The following FGF14 variants were observed in gnomAD, a reference collection of about 807,000 sequenced individuals.
The protein encoded by FGF14 is fibroblast growth factor 14.
A neutral mutation model predicts 25.5 loss-of-function variants in FGF14; 5 were observed. The observed-to-expected ratio is 0.20, with a 90% CI of 0.10 to 0.41. The LOEUF is 0.41. Among genes scored for constraint, FGF14 ranks in the 10% least tolerant of loss-of-function variants. FGF14 has a pLI of 1.00. For missense variants in FGF14, 222 were observed against 320.1 expected, an observed-to-expected ratio of 0.69 and a Z score of 2.34; for synonymous variants, 138 against 118.3, an observed-to-expected ratio of 1.17 and a Z score of -1.08.
chr13:101,917,390 A>C (rs192864660), upstream of FGF14, among the ~76,000 whole-genome samples: 1,056 of 152,108 alleles, frequency 6.9e-3, 12 homozygotes, highest in African/African-American at 0.023. Flanking sequence ...AATAAGAAAG[A>C]AAGCTAAGAT....
At chr13:102,168,236 A>G (rs1376515720) in intron 1 of FGF14, among the ~76,000 whole-genome samples, 2 of 152,246 alleles carry the variant, frequency 1.3e-5, no homozygotes, top group East Asian at 1.9e-4. Context: ...ATGAAGAAAA[A>G]GGTGCGTATG....
intron 1 of FGF14, among the ~76,000 whole-genome samples, chr13:102,265,975 A>C (rs915760204): frequency 1.3e-5 from 2 of 152,116 alleles, no homozygotes; most frequent in African/African-American, 4.8e-5. Flanking sequence ...GAATTAGATA[A>C]AATTACAATT....
In FGF14 at chr13:101,806,413, C is replaced by T. The variant is rs562497965; in HGVS notation, c.408+62312G>A. On this transcript the variant is annotated intron_variant, in intron 3 of 4. Transcript: ENST00000376143. ...CAGCCTGGGTGACAGAGCAAGACTC[C>T]GTCTAAGAAGAAAAAAAAAAAAAAA... Among the ~76,000 whole-genome samples, 78 of 144,694 alleles carry T rather than the reference C, an allele frequency of 5.4e-4. 1 individual carries two copies. The South Asian group carries it at 0.016, about 29-fold the overall frequency. 94.9% of individuals were successfully genotyped at this position (144,694 alleles called of 152,430 possible).
chr13:102,206,267 A>C (rs1488225909), intron 1 of FGF14, among the ~76,000 whole-genome samples: 4 of 152,106 alleles, frequency 2.6e-5, no homozygotes, highest in African/African-American at 9.7e-5. Flanking sequence ...TGAAGCTCCC[A>C]CATCCTCTCC....
At chr13:101,997,202 T>C (rs2039232967) in intron 1 of FGF14, among the ~76,000 whole-genome samples, 2 of 151,278 alleles carry the variant, frequency 1.3e-5, no homozygotes, top group South Asian at 2.1e-4. Flanking sequence ...AAATGTTCCA[T>C]GACAGCAGGG....
At chr13:102,278,851 G>A (rs2053681235) in intron 1 of FGF14, among the ~76,000 whole-genome samples, 1 of 152,128 alleles carries the variant, frequency 6.6e-6, no homozygotes, top group Non-Finnish European at 1.5e-5. Flanking sequence ...CAATGATGAA[G>A]TATAAACACA....
At chr13:101,777,713 A>G (rs1036128857) in intron 3 of FGF14, among the ~76,000 whole-genome samples, 2 of 152,188 alleles carry the variant, frequency 1.3e-5, no homozygotes, top group East Asian at 3.8e-4. Context: ...AACTTCCTTT[A>G]AACCCCAAAA....
Position 101,719,377 on chromosome 13 carries a change from G to T in FGF14, c.*3454C>A. The stretch of plus-strand genomic sequence containing the variant: ...GCGGGAGTCCTTTGGACCCATCGTG[G>T]ATCTCTTTAAGCCACTGCTACCCAA... On this transcript the variant is annotated 3_prime_UTR_variant, in exon 5 of 5. Transcript: ENST00000376143. The T allele has an allele frequency of 6.6e-6, 1 of 151,958 alleles. No homozygotes were observed. 9.4% of individuals were successfully genotyped at this position (151,958 alleles called of 1,614,324 possible). A position where few individuals can be genotyped will look rare whatever the true frequency, so the allele number is the denominator to read the frequency against.
At chr13:102,325,814 A>T (rs187049805) in intron 1 of FGF14, among the ~76,000 whole-genome samples, 6,279 of 152,206 alleles carry the variant, frequency 0.041, 450 homozygotes, top group African/African-American at 0.14. Flanking sequence ...AAGGCACAGA[A>T]TTTTGCCTTC....
At chr13:102,121,568 T>A (rs990104507) in intron 1 of FGF14, among the ~76,000 whole-genome samples, 1 of 152,238 alleles carries the variant, frequency 6.6e-6, no homozygotes, top group African/African-American at 2.4e-5. Flanking sequence ...TTTGTAATCA[T>A]ATTTTGTTGC....
At chr13:102,325,580 A>AAT (rs1270075449) in intron 1 of FGF14, among the ~76,000 whole-genome samples, 7 of 152,090 alleles carry the variant, frequency 4.6e-5, no homozygotes, top group Non-Finnish European at 5.9e-5. Context: ...TATCATGGGT[A>AAT]AGGCCCTTCC....
chr13:102,159,158 G>C (rs2772369), intron 1 of FGF14, among the ~76,000 whole-genome samples: 2 of 129,980 alleles, frequency 1.5e-5, no homozygotes, highest in Non-Finnish European at 3.1e-5. Flanking sequence ...AAAAAAAAAA[G>C]AAAAGAAAAG....
chr13:102,037,357 G>T (rs186909658), intron 1 of FGF14, among the ~76,000 whole-genome samples: 1 of 152,040 alleles, frequency 6.6e-6, no homozygotes, highest in Admixed American at 6.5e-5. Context: ...ACCTTTTCTG[G>T]TTTGTAGAGG....
rs2044217721 is a variant in FGF14 at position 102,092,661 on chromosome 13, TGAAA to T, written c.209-217369_209-217366del. On this transcript the variant is annotated intron_variant, in intron 1 of 4. Coordinates refer to the FGF14 transcript ENST00000376131. ...CAATCAATATATGTTAATTTTAACA[TGAAA>T]GAAATAAAACTAGTACAGGTAATAA... 3.3e-5 allele frequency among the ~76,000 whole-genome samples: 5 copies of T among 152,276 alleles called. 1 individual carries two copies. In the South Asian group the frequency reaches 1.0e-3, roughly 32 times the overall value.
chr13:101,984,789 A>G (rs2038470682), intron 1 of FGF14, among the ~76,000 whole-genome samples: 1 of 152,160 alleles, frequency 6.6e-6, no homozygotes, highest in Non-Finnish European at 1.5e-5. Context: ...TGTTCATAAA[A>G]TTTTAAGAAA....
intron 1 of FGF14, among the ~76,000 whole-genome samples, chr13:102,296,361 C>T (rs1334391113): frequency 6.6e-6 from 1 of 152,080 alleles, no homozygotes; most frequent in African/African-American, 2.4e-5. Flanking sequence ...TCGTGGTTTG[C>T]AGCTTGGTGC....
chr13:101,800,004 C>T (rs914242129), intron 3 of FGF14, among the ~76,000 whole-genome samples: 6 of 151,998 alleles, frequency 3.9e-5, no homozygotes, highest in African/African-American at 7.3e-5. Flanking sequence ...GAAGGAATGT[C>T]GATTTTTAAG....
chr13:102,029,712 T>C (rs1434050964), intron 1 of FGF14, among the ~76,000 whole-genome samples: 1 of 152,058 alleles, frequency 6.6e-6, no homozygotes, highest in Admixed American at 6.6e-5. Context: ...AACAAAACTG[T>C]TTTTTAACCC....
intron 1 of FGF14, among the ~76,000 whole-genome samples, chr13:102,302,555 A>G (rs2055124576): frequency 6.6e-6 from 1 of 152,072 alleles, no homozygotes; most frequent in African/African-American, 2.4e-5. Context: ...AGACTCAGAA[A>G]TCCAACTCTC....
Sources: gnomAD v4.1 joint callset for allele counts (sites outside exome capture counted in the v4.1 genomes callset) on GRCh38, gnomAD v4.1.1 for gene constraint, MANE v1.5 for transcripts, NCBI Gene and HGNC (gene_info 2026-07-23, HGNC 2026-07-21) for gene names.